The following COL12A1 variants were observed in gnomAD, a reference collection of about 807,000 sequenced individuals.
COL12A1 encodes collagen type XII alpha 1 chain, also known as collagen alpha-1(XII) chain.
In COL12A1, 114 loss-of-function variants were observed where a neutral mutation model predicts 349.7. That is an observed-to-expected ratio of 0.33 (90% confidence interval 0.28 to 0.38). The LOEUF (loss-of-function observed/expected upper bound fraction) is 0.38, where lower values mean the gene tolerates loss of function less well. COL12A1 is among the 10% of genes least tolerant of loss of function. COL12A1 has a pLI of 1.00. For missense variants in COL12A1, 3,284 were observed against 3,756.9 expected (o/e 0.87, Z 3.29); for synonymous variants, 1,369 against 1,329.0 (o/e 1.03, Z -0.66).
At chr6:75,086,833 A>G (rs1767520954) in intron 65 of COL12A1, among the ~76,000 whole-genome samples, 4 of 152,016 alleles carry the variant, frequency 2.6e-5, no homozygotes, top group Admixed American at 2.6e-4. Flanking sequence ...ATATAGATAT[A>G]TAGATATTTA....
At position 75,113,626 on chromosome 6, in the gene COL12A1, G is replaced by T; in HGVS notation, c.7816C>A (p.Pro2606Thr). The change falls in exon 50 of 66, where the codon CCA becomes ACA. Residue 2606 changes from proline to threonine, a missense_variant. Coordinates refer to ENST00000322507, the MANE Select transcript of COL12A1 (RefSeq NM_004370.6). ...IWQITDRDYK[P>T]QVGVIADPSS... ...CGATCTGCAATCACTCCAACTTGTG[G>T]TTTGTAGTCTCTGTCTGTGATTTGC... 1 of 1,609,540 alleles carries T rather than the reference G, an allele frequency of 6.2e-7. No homozygotes were observed. Among genetic ancestry groups the T allele is most frequent in the Non-Finnish European group, 8.5e-7 (1 of 1,177,048 alleles).
intron 60 of COL12A1, 83 bp downstream of exon 60, chr6:75,095,025 T>C: frequency 7.8e-7 from 1 of 1,280,644 alleles, no homozygotes; most frequent in Non-Finnish European, 1.1e-6. Context: ...AGAGATAACC[T>C]AAATATAACA....
Position 75,109,123 on chromosome 6 carries a change from G to A in COL12A1, c.7995C>T (p.Asp2665=). The A allele has an allele frequency of 6.2e-7, 1 of 1,604,182 alleles. No individual in the cohort carries two copies. ...TGTCTTTTTCTATAATTTCATAGCA[G>A]TCAATGTAAATCTTAACACTTTTTG... ...VTSKSVKIYI[D]CYEIIEKDIK... The change falls in exon 52 of 66, where the codon GAC becomes GAT. Residue 2665 remains aspartate, a synonymous_variant. Transcript: ENST00000322507.
chr6:75,145,295 A>C, intron 25 of COL12A1, 31 bp downstream of exon 25: 2 of 1,546,538 alleles, frequency 1.3e-6, no homozygotes, highest in Non-Finnish European at 1.8e-6. Context: ...CACAGCAATA[A>C]GAAGGGAAAT....
chr6:75,183,706 A>G (rs1007749646), intron 9 of COL12A1, 54 bp from the exon 10 acceptor site: 15 of 1,542,384 alleles, frequency 9.7e-6, no homozygotes, highest in African/African-American at 2.8e-5. Flanking sequence ...TCATTAAAAT[A>G]TACATATCTA....
At chr6:75,120,397 A>G (rs1185953292) in intron 44 of COL12A1, among the ~76,000 whole-genome samples, 1 of 152,212 alleles carries the variant, frequency 6.6e-6, no homozygotes, top group African/African-American at 2.4e-5. Flanking sequence ...GCTTATTTTC[A>G]TAATGCCACA....
chr6:75,157,078 T>G (rs1183160108), intron 14 of COL12A1, among the ~76,000 whole-genome samples: 1 of 152,168 alleles, frequency 6.6e-6, no homozygotes, highest in East Asian at 1.9e-4. Flanking sequence ...AAAGATAAAC[T>G]GGTATATGCT....
Position 75,165,704 on chromosome 6 carries a change from G to A in COL12A1, c.2786C>T (p.Pro929Leu). 1 of 1,613,936 alleles carries A rather than the reference G, an allele frequency of 6.2e-7. No individual in the cohort carries two copies. The highest frequency in any genetic ancestry group is 8.5e-7 in the Non-Finnish European group (1 of 1,179,918). Reference protein sequence around the residue: ...TSIGAYWTSAPGMVRGYRVSW... With the variant: ...TSIGAYWTSALGMVRGYRVSW... Reference sequence around the variant, plus strand: ...GACCCTGTAACCGCGAACCATTCCTGGAGCAGATGTCCAATAAGCCCCAAT... The same window carrying A: ...GACCCTGTAACCGCGAACCATTCCTAGAGCAGATGTCCAATAAGCCCCAAT... Residue 929 changes from proline (P) to leucine (L), a missense_variant, in exon 14 of 66, where the codon CCA (proline) becomes CTA (leucine). By Grantham distance (98) the Pro-to-Leu change is moderately conservative (BLOSUM62 -3). This residue lies in a region of COL12A1 where 2,601 missense variants were observed against 2,824.8 expected (regional missense o/e 0.92). Transcript: ENST00000322507.
chr6:75,164,222 G>A (rs1768166631), intron 14 of COL12A1, among the ~76,000 whole-genome samples: 1 of 152,086 alleles, frequency 6.6e-6, no homozygotes, highest in Admixed American at 6.6e-5. Context: ...AAAATCTGGT[G>A]AATTAAGATA....
Position 75,089,100 on chromosome 6 carries a change from A to C in COL12A1, c.9010+6T>G, listed in dbSNP as rs756044625. 6.8e-6 allele frequency: 11 copies of C among 1,607,128 alleles called. No individual in the cohort carries two copies. Among genetic ancestry groups the C allele is most frequent in the African/African-American group, 1.3e-5 (1 of 74,120 alleles). ...CTTTGCCTGTTTAAAATACTAGCAA[A>C]CCTACCTGGGGGGCCAGGCAGCCCC... On this transcript the variant is annotated splice_donor_region_variant and intron_variant, in intron 64 of 65. Coordinates refer to ENST00000322507, the MANE Select transcript of COL12A1 (RefSeq NM_004370.6).
intron 38 of COL12A1, 137 bp downstream of exon 38, chr6:75,128,159 A>G: frequency 1.4e-6 from 1 of 740,352 alleles, no homozygotes. Context: ...AATGTCTAAT[A>G]AAAATAATAC....
chr6:75,122,473 C>A (rs1040377718), intron 43 of COL12A1, among the ~76,000 whole-genome samples: 2 of 151,828 alleles, frequency 1.3e-5, no homozygotes, highest in Non-Finnish European at 2.9e-5. Flanking sequence ...ATCATCCCTG[C>A]AATGTTGCTA....
chr6:75,188,447 T>C lies in COL12A1; in HGVS notation c.912A>G (p.Ala304=), dbSNP rs767135101. Reference sequence around the variant, plus strand: ...TGATCTCATTCTGAATATCCACAATTGCATCAAAGTTGGCCACATTGAAAA... The same window carrying C: ...TGATCTCATTCTGAATATCCACAATCGCATCAAAGTTGGCCACATTGAAAA... ...NHVFNVANFD[A]IVDIQNEIIS... The change falls in exon 8 of 66, where the codon GCA becomes GCG. Residue 304 remains alanine (A), a synonymous_variant. Transcript: ENST00000322507. The C allele has an allele frequency of 1.4e-5, 22 of 1,613,456 alleles. No individual in the cohort carries two copies. The highest frequency in any genetic ancestry group is 1.2e-4 in the Admixed American group (7 of 59,928).
intron 14 of COL12A1, among the ~76,000 whole-genome samples, chr6:75,157,834 A>G (rs1767835993): frequency 1.3e-5 from 2 of 152,146 alleles, no homozygotes; most frequent in African/African-American, 4.8e-5. Flanking sequence ...GAGCTCACAC[A>G]GGGTTAGAAA....
Position 75,151,891 on chromosome 6 carries a change from C to T in COL12A1, c.3976G>A (p.Glu1326Lys), listed in dbSNP as rs774412897. The T allele has an allele frequency of 3.1e-6, 5 of 1,613,778 alleles. No homozygotes were observed. The highest frequency in any genetic ancestry group is 1.7e-4 in the Middle Eastern group (1 of 6,054). The change falls in exon 20 of 66, where the codon GAG (glutamate) becomes AAG (lysine). Residue 1326 changes from glutamate (E) to lysine (K), a missense_variant. Glu to Lys is a moderately conservative substitution (Grantham distance 56). Around this residue, in one of 2 missense-constraint regions of COL12A1, gnomAD observed 2,601 missense variants for 2,824.8 expected, o/e 0.92. Transcript: ENST00000322507. Reference protein sequence around the residue: ...VEAPSKKLKDEGVELFAIGIK... With the variant: ...VEAPSKKLKDKGVELFAIGIK... ...CCAATAGCAAACAGCTCCACTCCCT[C>T]ATCCTTGAGTTTCTTTGAAGGTGCT...
intron 59 of COL12A1, 35 bp downstream of exon 59, chr6:75,097,218 G>A (rs375797670): frequency 6.2e-7 from 1 of 1,601,470 alleles, no homozygotes; most frequent in Non-Finnish European, 8.6e-7. Context: ...GGGTGGGAGT[G>A]AAGGGCACAA....
At chr6:75,112,511 G>GA (rs1029977110) in intron 51 of COL12A1, among the ~76,000 whole-genome samples, 3 of 149,386 alleles carry the variant, frequency 2.0e-5, no homozygotes, top group Non-Finnish European at 3.0e-5. Context: ...TTAGAAACCT[G>GA]AAAAAAAAAG....
intron 22 of COL12A1, 29 bp from the exon 23 acceptor site, chr6:75,147,833 A>T: frequency 6.2e-7 from 1 of 1,608,618 alleles, no homozygotes; most frequent in Non-Finnish European, 8.5e-7. Context: ...CAGAGCAACA[A>T]CGTATGTATA....
chr6:75,117,469 G>A lies in COL12A1; in HGVS notation c.7432C>T (p.Arg2478Trp), dbSNP rs769219928. ...LANIASKPSERHVFIVDDFES... is the reference protein window; with the variant it reads ...LANIASKPSEWHVFIVDDFES... ...AAGTCGTCCACAATGAACACGTGCC[G>A]TTCACTTGGTTTGCTGGCAATGTTG... Residue 2478 changes from arginine (R) to tryptophan (W), a missense_variant, in exon 47 of 66, where the codon CGG (arginine) becomes TGG (tryptophan). Transcript: ENST00000322507. The A allele has an allele frequency of 3.6e-5, 58 of 1,613,530 alleles. No homozygotes were observed. The highest frequency in any genetic ancestry group is 2.3e-4 in the African/African-American group (17 of 74,878).
Sources: allele counts gnomAD v4.1 joint callset (sites outside exome capture counted in the v4.1 genomes callset), GRCh38; gene constraint gnomAD v4.1.1; regional missense constraint gnomAD v4.1.1; transcripts MANE v1.5; gene names NCBI Gene and HGNC (gene_info 2026-07-23, HGNC 2026-07-21).